Variants in GALNS observed in about 807,000 individuals in gnomAD.
GALNS encodes galactosamine (N-acetyl)-6-sulfatase, also known as N-acetylgalactosamine-6-sulfatase.
Under a neutral mutation model 65.9 loss-of-function variants are expected in GALNS, and 65 were observed. That is an observed-to-expected ratio of 0.99 (90% confidence interval 0.81 to 1.21). The LOEUF is 1.21. Ranked by LOEUF, GALNS falls within the 50% of genes most tolerant of loss-of-function variation. GALNS has a pLI of 0.00. For missense variants in GALNS, 776 were observed against 700.7 expected, an observed-to-expected ratio of 1.11 and a Z score of -1.21; for synonymous variants, 346 against 288.9, an observed-to-expected ratio of 1.20 and a Z score of -2.00.
chr16:88,851,963 G>A (rs547207843), intron 1 of GALNS, among the ~76,000 whole-genome samples: 2 of 152,344 alleles, frequency 1.3e-5, no homozygotes, highest in African/African-American at 4.8e-5. Flanking sequence ...AGAAACTTCG[G>A]CAGACTTAAA....
chr16:88,832,182 G>C (rs1247886448), intron 8 of GALNS, 81 bp from the exon 9 acceptor site: 12 of 1,266,968 alleles, frequency 9.5e-6, no homozygotes, highest in South Asian at 7.5e-5. Context: ...GAGTCACTGA[G>C]ACTGGTCATA....
intron 5 of GALNS, 100 bp from the exon 6 acceptor site, chr16:88,836,367 A>G: frequency 1.0e-6 from 1 of 1,000,376 alleles, no homozygotes. Flanking sequence ...ATTTAAAAGA[A>G]GGCTAGGGCT....
At position 88,834,641 on chromosome 16, in the gene GALNS, C is replaced by T. The variant is rs797020638; in HGVS notation, c.898+572G>A. 5.5e-3 allele frequency among the ~76,000 whole-genome samples: 711 copies of T among 129,470 alleles called. 46 individuals carry two copies. Among genetic ancestry groups the T allele is most frequent in the African/African-American group, 0.014 (489 of 35,296 alleles). The allele number at this position is 129,470 out of a possible 152,430, so 84.9% of individuals were successfully genotyped here. A position where few individuals can be genotyped will look rare whatever the true frequency, so the allele number is the denominator to read the frequency against. ...CTGGGAAGAGGCTGCAGGGCCCCCC[C>T]CCGCGTGGTCTGGGAAGAGGCGGGT... On this transcript the variant is annotated intron_variant, in intron 8 of 13. Coordinates refer to ENST00000268695, the MANE Select transcript of GALNS (RefSeq NM_000512.5).
chr16:88,839,517 G>A (rs904657628), intron 4 of GALNS, among the ~76,000 whole-genome samples: 12 of 152,244 alleles, frequency 7.9e-5, no homozygotes, highest in Admixed American at 1.3e-4. Context: ...CTGCACACCC[G>A]CGTGGCTTCA....
intron 13 of GALNS, chr16:88,814,901 T>G: frequency 1.0e-5 from 4 of 401,426 alleles, no homozygotes; most frequent in Non-Finnish European, 1.3e-5. Flanking sequence ...GCCCAACCAT[T>G]TTTGTATTTT....
At chr16:88,816,365 T>G (rs902316337) in intron 13 of GALNS, 1 of 985,378 alleles carries the variant, frequency 1.0e-6, no homozygotes, top group Non-Finnish European at 1.2e-6. Context: ...CCACGGCTGG[T>G]GGCCCTGGGC....
In GALNS at chr16:88,835,183, A is replaced by G. The variant is rs759010904; in HGVS notation, c.898+30T>C. ...CTTCGCTGACACGCTGGCTGTGGGGAAACCGTGAGAAGTGACAGCGAGCAC... is the reference window on the plus strand; with the variant it reads ...CTTCGCTGACACGCTGGCTGTGGGGGAACCGTGAGAAGTGACAGCGAGCAC... On this transcript the variant is annotated intron_variant, in intron 8 of 13. Transcript: ENST00000268695. The G allele has an allele frequency of 7.7e-6, 12 of 1,558,346 alleles. No individual in the cohort carries two copies. The Admixed American group carries it at 2.1e-4, about 28-fold the overall frequency.
chr16:88,855,612 T>TGTTA, intron 1 of GALNS: 1 of 635,820 alleles, frequency 1.6e-6, no homozygotes, highest in East Asian at 2.7e-5. Flanking sequence ...GGGTGGTGTC[T>TGTTA]GTTATCTTTT....
intron 13 of GALNS, chr16:88,817,292 A>C: frequency 7.1e-6 from 7 of 985,384 alleles, no homozygotes; most frequent in Non-Finnish European, 8.4e-6. Flanking sequence ...ACTTCAGTGA[A>C]ACTTTGGAGG....
chr16:88,819,589 G>A (rs908710188), intron 12 of GALNS, among the ~76,000 whole-genome samples: 3 of 152,242 alleles, frequency 2.0e-5, no homozygotes, highest in Non-Finnish European at 2.9e-5. Context: ...CCAGGCTGGA[G>A]TGGTGAGACA....
At chr16:88,847,141 T>C (rs755579676) in intron 1 of GALNS, among the ~76,000 whole-genome samples, 4 of 152,118 alleles carry the variant, frequency 2.6e-5, no homozygotes, top group Non-Finnish European at 5.9e-5. Flanking sequence ...GTTCTTTTTT[T>C]AAGTCTCTGA....
chr16:88,820,747 A>AGGG (rs1434250645), intron 12 of GALNS, among the ~76,000 whole-genome samples: 2 of 152,190 alleles, frequency 1.3e-5, no homozygotes, highest in Non-Finnish European at 2.9e-5. Context: ...AGTGGCCCTG[A>AGGG]GGACCCCCCT....
chr16:88,820,409 A>G (rs1178020418), intron 12 of GALNS, among the ~76,000 whole-genome samples: 2 of 152,186 alleles, frequency 1.3e-5, no homozygotes, highest in East Asian at 1.9e-4. Flanking sequence ...GATTACAGGC[A>G]TGAACCATGG....
At chr16:88,855,815 T>G (rs889121302) in intron 1 of GALNS, 3 of 509,258 alleles carry the variant, frequency 5.9e-6, no homozygotes, top group African/African-American at 5.7e-5. Flanking sequence ...CAGGTGGGTC[T>G]GAAGGCACCT....
At chr16:88,828,505 C>T in intron 9 of GALNS, among the ~76,000 whole-genome samples, 1 of 152,244 alleles carries the variant, frequency 6.6e-6, no homozygotes. Flanking sequence ...GGACAGACGT[C>T]AGGCGCTTTC....
intron 12 of GALNS, among the ~76,000 whole-genome samples, chr16:88,821,946 G>T (rs572338871): frequency 1.3e-5 from 2 of 152,070 alleles, no homozygotes; most frequent in African/African-American, 2.4e-5. Context: ...GCTGGGGTGA[G>T]GGGGGGAAGC....
intron 12 of GALNS, among the ~76,000 whole-genome samples, chr16:88,821,717 C>T (rs1271576012): frequency 2.6e-5 from 4 of 152,164 alleles, no homozygotes; most frequent in African/African-American, 4.8e-5. Flanking sequence ...TGCCTCCCAC[C>T]GGCCCTACTC....
intron 5 of GALNS, among the ~76,000 whole-genome samples, chr16:88,836,513 G>A (rs1912156753): frequency 6.6e-6 from 1 of 152,212 alleles, no homozygotes; most frequent in South Asian, 2.1e-4. Context: ...AATTAGCTGG[G>A]CGTGGTGGCG....
intron 1 of GALNS, among the ~76,000 whole-genome samples, chr16:88,850,576 C>G (rs935763679): frequency 2.6e-5 from 4 of 152,138 alleles, no homozygotes; most frequent in African/African-American, 7.2e-5. Flanking sequence ...GGAGCACTCT[C>G]GCTGGGAGGA....
Sources: gnomAD v4.1 joint callset for allele counts (sites outside exome capture counted in the v4.1 genomes callset) on GRCh38, gnomAD v4.1.1 for gene constraint, MANE v1.5 for transcripts, NCBI Gene and HGNC (gene_info 2026-07-23, HGNC 2026-07-21) for gene names.